CDK14: variants seen among roughly 807,000 people sequenced by gnomAD.
CDK14 encodes cyclin-dependent kinase 14.
In CDK14, 34 loss-of-function variants were observed where a neutral mutation model predicts 60.7. That is an observed-to-expected ratio of 0.56 (90% CI 0.43 to 0.75). The LOEUF is 0.75. Among genes scored for constraint, CDK14 ranks in the 30% least tolerant of loss-of-function variants. CDK14 has a pLI of 0.00. For missense variants in CDK14, 482 were observed against 564.1 expected (o/e 0.85, Z 1.47); for synonymous variants, 197 against 203.7 (o/e 0.97, Z 0.28).
intron 6 of CDK14, among the ~76,000 whole-genome samples, chr7:90,885,064 A>G (rs554575354): frequency 1.2e-4 from 18 of 152,356 alleles, no homozygotes; most frequent in African/African-American, 3.1e-4. Context: ...AATAATTGCA[A>G]CAAAAGCCAA....
intron 10 of CDK14, among the ~76,000 whole-genome samples, chr7:91,034,918 C>G (rs1303749796): frequency 1.4e-5 from 2 of 144,236 alleles, no homozygotes; most frequent in Admixed American, 7.3e-5. Context: ...AAACTCACAC[C>G]TGTGTACACA....
chr7:91,144,859 T>G (rs553721858), intron 14 of CDK14, among the ~76,000 whole-genome samples: 1 of 152,312 alleles, frequency 6.6e-6, no homozygotes, highest in East Asian at 1.9e-4. Flanking sequence ...AAGCAACTTC[T>G]AGCATTTTGT....
intron 7 of CDK14, among the ~76,000 whole-genome samples, chr7:90,902,467 CT>C (rs1464660490): frequency 6.6e-6 from 1 of 152,076 alleles, no homozygotes; most frequent in Admixed American, 6.6e-5. Context: ...CTATAGTCAA[CT>C]GATATTTGAC....
intron 2 of CDK14, among the ~76,000 whole-genome samples, chr7:90,682,438 A>G (rs1281034003): frequency 6.6e-6 from 1 of 152,182 alleles, no homozygotes; most frequent in African/African-American, 2.4e-5. Flanking sequence ...GTGTGTGTAT[A>G]TAGATAGGTA....
At chr7:91,007,589 C>T (rs921745230) in intron 10 of CDK14, among the ~76,000 whole-genome samples, 1 of 152,118 alleles carries the variant, frequency 6.6e-6, no homozygotes, top group African/African-American at 2.4e-5. Context: ...CAAGCAAATC[C>T]ACCCCAGCTA....
intron 5 of CDK14, among the ~76,000 whole-genome samples, chr7:90,809,331 T>G (rs949784347): frequency 6.6e-6 from 1 of 151,874 alleles, no homozygotes; most frequent in East Asian, 1.9e-4. Flanking sequence ...TCAAAACCGC[T>G]CAACTACATG....
At chr7:91,150,034 A>G (rs1282696343) in intron 14 of CDK14, among the ~76,000 whole-genome samples, 1 of 152,160 alleles carries the variant, frequency 6.6e-6, no homozygotes, top group Non-Finnish European at 1.5e-5. Context: ...CAAGCAGCTT[A>G]AAGGGCTTCA....
At chr7:90,641,970 A>C (rs187512741) in intron 2 of CDK14, among the ~76,000 whole-genome samples, 222 of 152,300 alleles carry the variant, frequency 1.5e-3, no homozygotes, top group African/African-American at 5.1e-3. Flanking sequence ...TAAAACCATC[A>C]GATCTTGTGA....
chr7:91,023,135 C>T (rs1796479247), intron 10 of CDK14, among the ~76,000 whole-genome samples: 1 of 152,088 alleles, frequency 6.6e-6, no homozygotes, highest in Admixed American at 6.6e-5. Flanking sequence ...AGAATGTCCA[C>T]CATGATGATG....
intron 2 of CDK14, among the ~76,000 whole-genome samples, chr7:90,682,584 A>G (rs573491489): frequency 8.6e-4 from 131 of 152,342 alleles, no homozygotes; most frequent in Admixed American, 1.5e-3. Context: ...TATTCAGCAT[A>G]TCTGAAGTTA....
At chr7:90,818,911 T>TAC (rs1789447577) in intron 5 of CDK14, among the ~76,000 whole-genome samples, 1 of 151,572 alleles carries the variant, frequency 6.6e-6, no homozygotes, top group African/African-American at 2.4e-5. Context: ...TGTGTGTGTA[T>TAC]ATATATATAA....
At chr7:90,653,964 C>T (rs2116484228) in intron 2 of CDK14, among the ~76,000 whole-genome samples, 2 of 152,268 alleles carry the variant, frequency 1.3e-5, no homozygotes, top group Middle Eastern at 6.8e-3. Context: ...GATGGTTTCA[C>T]ACTTCATCCA....
intron 5 of CDK14, among the ~76,000 whole-genome samples, chr7:90,807,377 A>G (rs1788894650): frequency 6.6e-6 from 1 of 152,224 alleles, no homozygotes; most frequent in Admixed American, 6.5e-5. Flanking sequence ...GACCTCCAGC[A>G]AACTCCAACA....
At chr7:90,828,366 G>A (rs935998552) in intron 5 of CDK14, among the ~76,000 whole-genome samples, 4 of 152,110 alleles carry the variant, frequency 2.6e-5, no homozygotes, top group South Asian at 2.1e-4. Context: ...TATCACAATC[G>A]GAGGATTCTA....
At chr7:90,633,016 A>T in intron 2 of CDK14, among the ~76,000 whole-genome samples, 1 of 151,914 alleles carries the variant, frequency 6.6e-6, no homozygotes, top group Non-Finnish European at 1.5e-5. Flanking sequence ...GAATTGCTTG[A>T]ATCTGGGAGG....
chr7:90,983,725 G>C (rs1795302710), intron 9 of CDK14, among the ~76,000 whole-genome samples: 1 of 151,922 alleles, frequency 6.6e-6, no homozygotes, highest in South Asian at 2.1e-4. Context: ...CAGCAACATG[G>C]ATGCAGCTGG....
At chr7:90,598,698 C>G (rs1799246517) in intron 1 of CDK14, among the ~76,000 whole-genome samples, 1 of 61,678 alleles carries the variant, frequency 1.6e-5, no homozygotes. Flanking sequence ...TTCTGATTAT[C>G]TAAGGATTTT....
intron 5 of CDK14, among the ~76,000 whole-genome samples, chr7:90,830,872 G>C (rs1789891405): frequency 6.6e-6 from 1 of 152,156 alleles, no homozygotes; most frequent in South Asian, 2.1e-4. Flanking sequence ...TAATCTCCTT[G>C]CTAAAGCATA....
chr7:91,056,863 A>G (rs146862959), intron 11 of CDK14, among the ~76,000 whole-genome samples: 3,663 of 152,290 alleles, frequency 0.024, 143 homozygotes, highest in African/African-American at 0.081. Flanking sequence ...GTGCCACAAT[A>G]AACATACGTG....
Sources: gnomAD v4.1 joint callset for allele counts (sites outside exome capture counted in the v4.1 genomes callset) on GRCh38, gnomAD v4.1.1 for gene constraint, MANE v1.5 for transcripts, NCBI Gene and HGNC (gene_info 2026-07-23, HGNC 2026-07-21) for gene names.